Variants in TENT4B observed in about 807,000 individuals in gnomAD.
TENT4B encodes terminal nucleotidyltransferase 4B.
A neutral mutation model predicts 75.0 loss-of-function variants in TENT4B; 10 were observed. The ratio of observed to expected loss-of-function variants is 0.13; its 90% CI spans 0.08 to 0.23. The LOEUF (loss-of-function observed/expected upper bound fraction) is 0.23, where lower values mean the gene tolerates loss of function less well. Among genes scored for constraint, TENT4B ranks in the 10% least tolerant of loss-of-function variants. The probability of loss-of-function intolerance (pLI) is 1.00; values close to 1 mark genes in which losing one functional copy is unlikely to be tolerated. For synonymous variants in TENT4B, 350 were observed against 357.7 expected, an observed-to-expected ratio of 0.98 and a Z score of 0.24; for missense variants, 579 against 893.8, an observed-to-expected ratio of 0.65 and a Z score of 4.49.
intron 1 of TENT4B, among the ~76,000 whole-genome samples, chr16:50,196,812 C>CT (rs1238402550): frequency 6.6e-6 from 1 of 151,418 alleles, no homozygotes; most frequent in Non-Finnish European, 1.5e-5. Flanking sequence ...TGGCATGCAG[C>CT]TGTAGTCCCA....
intron 1 of TENT4B, among the ~76,000 whole-genome samples, chr16:50,191,850 C>T (rs534144056): frequency 1.8e-4 from 27 of 152,036 alleles, no homozygotes; most frequent in Non-Finnish European, 2.9e-4. Flanking sequence ...ACCTGGGAGG[C>T]GGAGGTTGCG....
At chr16:50,226,430 G>A (rs2032057741) in intron 10 of TENT4B, among the ~76,000 whole-genome samples, 1 of 151,388 alleles carries the variant, frequency 6.6e-6, no homozygotes, top group East Asian at 2.0e-4. Context: ...TTTTGTTGTT[G>A]TTGTTTTGTT....
chr16:50,162,095 T>A (rs1470269602), intron 1 of TENT4B, among the ~76,000 whole-genome samples: 1 of 152,194 alleles, frequency 6.6e-6, no homozygotes, highest in Admixed American at 6.6e-5. Flanking sequence ...CATACTTCCT[T>A]TGAGAGCCAT....
chr16:50,220,615 G>T (rs534873946), intron 5 of TENT4B, among the ~76,000 whole-genome samples: 1 of 151,944 alleles, frequency 6.6e-6, no homozygotes, highest in Non-Finnish European at 1.5e-5. Context: ...TGTACCCTCC[G>T]CCTCCTGAGT....
rs778139166 is a variant in TENT4B, at chr16:50,154,032, G to A, written c.411G>A (p.Ser137=). 5.2e-6 allele frequency: 8 copies of A among 1,531,312 alleles called. No individual in the cohort carries two copies. The East Asian group carries it at 2.0e-4, about 38-fold the overall frequency. 94.9% of individuals were successfully genotyped at this position (1,531,312 alleles called of 1,614,324 possible). ...CGTCCTCGCCTCCCTCGGCGTCCTC[G>A]TCCCCGCACCCTTCGGCCGCCGTCC... ...SSASSPPSAS[S]SPHPSAAVPA... Residue 137 remains serine (S), a synonymous_variant, in exon 1 of 12, where the codon TCG becomes TCA. Transcript: ENST00000561678.
At position 50,176,140 on chromosome 16, in the gene TENT4B, G is replaced by T. The variant is rs572134147; in HGVS notation, c.638+21881G>T. On this transcript the variant is annotated intron_variant, in intron 1 of 11. Transcript: ENST00000561678. ...CTTACTCTGTTGCCCAGGCTGGAGT[G>T]CAGTGGCATGATCACAGCTCACTGC... Among the ~76,000 whole-genome samples, 58 of 150,812 alleles carry T rather than the reference G, an allele frequency of 3.8e-4. 1 individual carries two copies. Among genetic ancestry groups the T allele is most frequent in the Admixed American group, 3.8e-3 (57 of 15,104 alleles).
At position 50,182,891 on chromosome 16, in the gene TENT4B, C is replaced by CTTTTTTTTTTTTTTTTTTTTTTTTTT. The variant is rs869060811; in HGVS notation, c.639-28426_639-28401dup. Among the ~76,000 whole-genome samples the CTTTTTTTTTTTTTTTTTTTTTTTTTT allele has an allele frequency of 4.7e-4, 17 of 36,470 alleles. 4 individuals carry two copies. The highest frequency in any genetic ancestry group is 4.1e-3 in the South Asian group (2 of 488). The allele number at this position is 36,470 out of a possible 152,430, so 23.9% of individuals were successfully genotyped here. A position where few individuals can be genotyped will look rare whatever the true frequency, so the allele number is the denominator to read the frequency against. ...CCAAGTACAGCAAGTTTTATTTTAC[C>CTTTTTTTTTTTTTTTTTTTTTTTTTT]TTTTTTTTTTTTTTTTTTTTTTTTT... On this transcript the variant is annotated intron_variant, in intron 1 of 11. Transcript: ENST00000561678.
rs2032324037 is a variant in TENT4B at position 50,232,391 on chromosome 16, A to G, written c.*3063A>G. ...TACCTTTACTTGCATTTTGAGCCTCATTAATATTTAGGTTATTTGATTTGG... is the reference window on the plus strand; with the variant it reads ...TACCTTTACTTGCATTTTGAGCCTCGTTAATATTTAGGTTATTTGATTTGG... On this transcript the variant is annotated 3_prime_UTR_variant, in exon 12 of 12. Transcript: ENST00000561678. 1 of 984,994 alleles carries G rather than the reference A, an allele frequency of 1.0e-6. No homozygotes were observed. Among genetic ancestry groups the G allele is most frequent in the East Asian group, 1.1e-4 (1 of 8,826 alleles). The allele number at this position is 984,994 out of a possible 1,614,324, so 61.0% of individuals were successfully genotyped here. A position where few individuals can be genotyped will look rare whatever the true frequency, so the allele number is the denominator to read the frequency against.
chr16:50,212,953 C>T (rs939837818), intron 2 of TENT4B, among the ~76,000 whole-genome samples: 1 of 152,154 alleles, frequency 6.6e-6, no homozygotes, highest in Non-Finnish European at 1.5e-5. Flanking sequence ...CTCTTTCTCT[C>T]CAGCCAGCCA....
chr16:50,232,858 T>A lies in TENT4B; in HGVS notation c.*3530T>A, dbSNP rs930451268. 1.0e-6 allele frequency: 1 copy of A among 985,206 alleles called. No individual in the cohort carries two copies. Among genetic ancestry groups the A allele is most frequent in the Non-Finnish European group, 1.2e-6 (1 of 829,798 alleles). 61.0% of individuals were successfully genotyped at this position (985,206 alleles called of 1,614,324 possible). On this transcript the variant is annotated 3_prime_UTR_variant, in exon 12 of 12. Coordinates refer to ENST00000561678, the MANE Select transcript of TENT4B (RefSeq NM_001365324.3). ...ATTCTAATATGTTGATTTCTCAGTG[T>A]TTCTGTCACTAACCAAGAATGTTTC... is the stretch of plus-strand genomic sequence containing the variant.
chr16:50,216,367 A>G (rs960503021), intron 4 of TENT4B, among the ~76,000 whole-genome samples, 172 bp downstream of exon 4: 1 of 152,236 alleles, frequency 6.6e-6, no homozygotes, highest in African/African-American at 2.4e-5. Context: ...CTGGAGTGTG[A>G]CCATACAATC....
In TENT4B at chr16:50,224,709, T is replaced by C. The variant is rs1193323689; in HGVS notation, c.1434T>C (p.Phe478=). The C allele has an allele frequency of 3.1e-6, 5 of 1,614,042 alleles. No homozygotes were observed. Among genetic ancestry groups the C allele is most frequent in the Non-Finnish European group, 4.2e-6 (5 of 1,179,886 alleles). Residue 478 remains phenylalanine, a synonymous_variant, in exon 8 of 12, where the codon TTT becomes TTC. Transcript: ENST00000561678. ...SYGAMQVKQA[F]DYAYVVLSHA... ...GGGCCATGCAAGTGAAGCAGGCCTT[T>C]GATTATGCCTACGTTGTTTTGAGTC...
chr16:50,191,717 C>T (rs1289669150), intron 1 of TENT4B, among the ~76,000 whole-genome samples: 2 of 151,760 alleles, frequency 1.3e-5, no homozygotes, highest in Non-Finnish European at 2.9e-5. Context: ...GTCGCGAGTT[C>T]GAGACCAGCC....
intron 1 of TENT4B, among the ~76,000 whole-genome samples, chr16:50,159,280 T>A (rs2037960410): frequency 6.6e-6 from 1 of 150,710 alleles, no homozygotes. Context: ...GTTTCACTTG[T>A]GTTGCCCAGG....
chr16:50,164,104 C>T (rs1391866853), intron 1 of TENT4B, among the ~76,000 whole-genome samples: 4 of 151,782 alleles, frequency 2.6e-5, no homozygotes, highest in Admixed American at 2.6e-4. Context: ...TTGCAGTGAG[C>T]AAAGATTGTG....
intron 1 of TENT4B, among the ~76,000 whole-genome samples, chr16:50,184,817 C>T (rs781386745): frequency 2.0e-5 from 3 of 152,052 alleles, no homozygotes; most frequent in Non-Finnish European, 4.4e-5. Flanking sequence ...CTCCTCCGCC[C>T]CCTGGTTCTA....
intron 1 of TENT4B, among the ~76,000 whole-genome samples, chr16:50,156,216 AT>A (rs1024118666): frequency 5.3e-5 from 8 of 150,844 alleles, no homozygotes; most frequent in South Asian, 2.1e-4. Context: ...TCAGCAGTTA[AT>A]TTTTTTTTTA....
chr16:50,184,387 G>A (rs184537689), intron 1 of TENT4B, among the ~76,000 whole-genome samples: 6 of 152,220 alleles, frequency 3.9e-5, no homozygotes, highest in East Asian at 1.9e-4. Context: ...TAATGCTGCC[G>A]GCCGGGCGCG....
rs370388837 is a variant in TENT4B at position 50,224,757 on chromosome 16, G to A, written c.1482G>A (p.Lys494=). 4.8e-4 allele frequency: 767 copies of A among 1,613,868 alleles called. 4 individuals carry two copies. The highest frequency in any genetic ancestry group is 2.6e-3 in the South Asian group (241 of 91,082). The part of the protein sequence containing the change: ...VLSHAVSPIA[K]YYPNNETESI... Reference sequence around the variant, plus strand: ...GTCATGCTGTATCACCAATAGCAAAGTACTATCCCAACAATGAAACAGAAA... The same window carrying A: ...GTCATGCTGTATCACCAATAGCAAAATACTATCCCAACAATGAAACAGAAA... The change falls in exon 8 of 12, where the codon AAG becomes AAA. Residue 494 remains lysine (K), a synonymous_variant. Transcript: ENST00000561678.
Sources: gnomAD v4.1 joint callset for allele counts (sites outside exome capture counted in the v4.1 genomes callset) on GRCh38, gnomAD v4.1.1 for gene constraint, MANE v1.5 for transcripts, NCBI Gene and HGNC (gene_info 2026-07-23, HGNC 2026-07-21) for gene names.